The following KAZN variants were observed in gnomAD, a reference collection of about 807,000 sequenced individuals.
The protein encoded by KAZN is kazrin, periplakin interacting protein, also known as kazrin.
Under a neutral mutation model 87.4 loss-of-function variants are expected in KAZN, and 40 were observed. The ratio of observed to expected loss-of-function variants is 0.46; its 90% CI spans 0.36 to 0.60. The LOEUF (loss-of-function observed/expected upper bound fraction) is 0.60, where lower values mean the gene tolerates loss of function less well. KAZN is among the 20% of genes least tolerant of loss of function. KAZN has a pLI of 0.00. For missense variants in KAZN, 898 were observed against 1,073.9 expected (o/e 0.84, Z 2.29); for synonymous variants, 466 against 458.3 (o/e 1.02, Z -0.22).
At position 15,021,479 on chromosome 1, in the gene KAZN, G is replaced by A. The variant is rs987527303; in HGVS notation, c.419-13270G>A. Among the ~76,000 whole-genome samples, 5 of 152,058 alleles carry A rather than the reference G, an allele frequency of 3.3e-5. No homozygotes were observed. Among genetic ancestry groups the A allele is most frequent in the Non-Finnish European group, 7.4e-5 (5 of 68,002 alleles). On this transcript the variant is annotated intron_variant, in intron 2 of 14. Coordinates refer to ENST00000376030, the MANE Select transcript of KAZN (RefSeq NM_201628.3). This position sits in a 1 kb window ranked among gnomAD's most constrained non-coding sequence, Gnocchi z 4.2. ...AGAGGCTGGAAAACAAACACCACCC[G>A]CTCCCAGTCCCGGCCCCTCCCATTT...
At position 14,770,628 on chromosome 1, in the gene KAZN, T is replaced by C. The variant is rs72868470; in HGVS notation, c.226+171405T>C. Reference sequence around the variant, plus strand: ...CCTGGGAGGAAGAGTGGGAATGGGATTGGGGGCTGGAGAAACAAATTTAGC... The same window carrying C: ...CCTGGGAGGAAGAGTGGGAATGGGACTGGGGGCTGGAGAAACAAATTTAGC... On this transcript the variant is annotated intron_variant, in intron 1 of 14. Coordinates refer to ENST00000376030, the MANE Select transcript of KAZN (RefSeq NM_201628.3). Among the ~76,000 whole-genome samples the C allele has an allele frequency of 6.3e-3, 954 of 152,184 alleles. 12 individuals are homozygous for C. The highest frequency in any genetic ancestry group is 0.021 in the African/African-American group (862 of 41,526).
intron 1 of KAZN, among the ~76,000 whole-genome samples, chr1:14,903,166 G>A (rs1042412276): frequency 6.6e-5 from 10 of 152,124 alleles, no homozygotes; most frequent in African/African-American, 2.4e-4. Context: ...ACCACACCTG[G>A]CCGCCTCTTA....
At chr1:14,248,201 A>T (rs965297315) in intron 2 of KAZN, among the ~76,000 whole-genome samples, 11 of 152,214 alleles carry the variant, frequency 7.2e-5, no homozygotes, top group Non-Finnish European at 1.6e-4. Flanking sequence ...ATGGTGGTGT[A>T]GTCATAATAA....
chr1:14,267,827 G>T (rs1284302030), intron 2 of KAZN, among the ~76,000 whole-genome samples: 1 of 152,126 alleles, frequency 6.6e-6, no homozygotes, highest in African/African-American at 2.4e-5. Context: ...AGGCATGGTG[G>T]TGCACACCTG....
At chr1:14,621,107 A>G (rs1678662962) in intron 1 of KAZN, among the ~76,000 whole-genome samples, 1 of 152,184 alleles carries the variant, frequency 6.6e-6, no homozygotes, top group Non-Finnish European at 1.5e-5. Context: ...GTGAAAAGAC[A>G]GTTGCTGGAA....
intron 13 of KAZN, among the ~76,000 whole-genome samples, chr1:15,107,111 A>C (rs1351206834): frequency 1.3e-5 from 2 of 152,196 alleles, no homozygotes; most frequent in African/African-American, 2.4e-5. Flanking sequence ...TCTTTCTGGA[A>C]CTGATCTCTC....
chr1:13,945,679 T>TTGTGTGTGTGTGTGTGTG (rs60728794), intron 1 of KAZN, among the ~76,000 whole-genome samples: 7 of 123,356 alleles, frequency 5.7e-5, no homozygotes, highest in Admixed American at 8.7e-5. Flanking sequence ...TGCTCTCAGT[T>TTGTGTGTGTGTGTGTGTG]TGTGTGTGTG....
intron 2 of KAZN, among the ~76,000 whole-genome samples, chr1:14,540,093 G>A (rs1453357344): frequency 6.6e-6 from 1 of 152,152 alleles, no homozygotes; most frequent in Non-Finnish European, 1.5e-5. Context: ...TAAAGGAACT[G>A]ACAGCCCCTG....
intron 2 of KAZN, among the ~76,000 whole-genome samples, chr1:15,027,151 G>A (rs1226622226): frequency 7.6e-6 from 1 of 131,250 alleles, no homozygotes; most frequent in Non-Finnish European, 1.5e-5. Context: ...GCGCGATCTC[G>A]GCTCACTGCA....
intron 1 of KAZN, chr1:14,692,164 C>A (rs3737686): frequency 2.7e-6 from 1 of 372,846 alleles, no homozygotes; most frequent in East Asian, 4.1e-5. Flanking sequence ...ACTAAATGTG[C>A]TTCTTTATAT....
intron 1 of KAZN, among the ~76,000 whole-genome samples, chr1:14,162,539 T>C (rs1157359750): frequency 7.6e-6 from 1 of 131,918 alleles, no homozygotes; most frequent in African/African-American, 3.4e-5. Flanking sequence ...TCTTTTCTTT[T>C]CTTTTTTCTT....
At chr1:14,507,579 G>A (rs1230190380) in intron 2 of KAZN, among the ~76,000 whole-genome samples, 1 of 152,182 alleles carries the variant, frequency 6.6e-6, no homozygotes, top group Admixed American at 6.5e-5. Flanking sequence ...GAGTGGAACA[G>A]AGTGCATATA....
At chr1:14,705,655 A>G (rs147416929) in intron 1 of KAZN, among the ~76,000 whole-genome samples, 60 of 152,322 alleles carry the variant, frequency 3.9e-4, no homozygotes, top group African/African-American at 1.3e-3. Flanking sequence ...GGAGGACATT[A>G]TGTTAAGTGA....
At chr1:14,306,268 G>A (rs565450578) in intron 2 of KAZN, among the ~76,000 whole-genome samples, 1 of 152,146 alleles carries the variant, frequency 6.6e-6, no homozygotes, top group Non-Finnish European at 1.5e-5. Flanking sequence ...TTGCTCCCCT[G>A]ATGTGCTCTC....
chr1:14,518,087 C>T (rs1352833457), intron 2 of KAZN, among the ~76,000 whole-genome samples: 1 of 150,888 alleles, frequency 6.6e-6, no homozygotes, highest in Non-Finnish European at 1.5e-5. Context: ...GAACAAGCCA[C>T]TTATTTGCTC....
chr1:15,001,870 CTTTTTTTT>C (rs34948148), intron 2 of KAZN, among the ~76,000 whole-genome samples: 6 of 57,754 alleles, frequency 1.0e-4, no homozygotes, highest in African/African-American at 3.6e-4. Flanking sequence ...AAGTCAAAAT[CTTTTTTTT>C]TTTTTTTTTT....
chr1:14,917,934 A>G (rs1657997468), intron 1 of KAZN, among the ~76,000 whole-genome samples: 1 of 151,318 alleles, frequency 6.6e-6, no homozygotes, highest in South Asian at 2.1e-4. Flanking sequence ...GCTGGAGTGC[A>G]GTGGCGCGAT....
chr1:14,904,989 C>T (rs947329244), intron 1 of KAZN, among the ~76,000 whole-genome samples: 2 of 152,150 alleles, frequency 1.3e-5, no homozygotes, highest in Non-Finnish European at 2.9e-5. Flanking sequence ...TCTCAATCTC[C>T]TGACCTCGTG....
intron 2 of KAZN, among the ~76,000 whole-genome samples, chr1:14,322,512 T>C (rs1369457672): frequency 3.0e-4 from 46 of 152,174 alleles, no homozygotes; most frequent in Non-Finnish European, 1.5e-5. Flanking sequence ...TCTAATCCAT[T>C]CTATAGGAAA....
Sources: allele counts gnomAD v4.1 joint callset (sites outside exome capture counted in the v4.1 genomes callset), GRCh38; gene constraint gnomAD v4.1.1; non-coding constraint Gnocchi (gnomAD v3.1); transcripts MANE v1.5; gene names NCBI Gene and HGNC (gene_info 2026-07-23, HGNC 2026-07-21).